Variants in APOBEC3B observed in about 807,000 individuals in gnomAD.
APOBEC3B encodes the protein apolipoprotein B mRNA editing enzyme catalytic subunit 3B.
Under a neutral mutation model 53.4 loss-of-function variants are expected in APOBEC3B, and 29 were observed. That is an observed-to-expected ratio of 0.54 (90% CI 0.40 to 0.74). The LOEUF is 0.74. APOBEC3B is among the 30% of genes least tolerant of loss of function. APOBEC3B has a pLI of 0.00. For missense variants in APOBEC3B, 347 were observed against 496.2 expected (o/e 0.70, Z 2.86); for synonymous variants, 132 against 184.8 (o/e 0.71, Z 2.32).
intron 2 of APOBEC3B, among the ~76,000 whole-genome samples, chr22:38,984,709 A>T (rs1923666945): frequency 1.4e-5 from 2 of 147,916 alleles, no homozygotes. Flanking sequence ...CTTTTCAGGC[A>T]GTGTTATAAC....
chr22:38,989,401 G>T, intron 4 of APOBEC3B, 56 bp from the exon 5 acceptor site: 1 of 1,471,080 alleles, frequency 6.8e-7, no homozygotes, highest in Non-Finnish European at 9.2e-7. Flanking sequence ...AGAGGAGCGA[G>T]AGGTAGTCCC....
At position 38,983,637 on chromosome 22, in the gene APOBEC3B, G is replaced by A. The variant is rs1923619142; in HGVS notation, c.18-438G>A. The stretch of plus-strand genomic sequence containing the variant: ...TGAGCTCACACCCGCTCAGCACTTA[G>A]AAGAGTGGCCTGGGCCTCAGAATTC... On this transcript the variant is annotated intron_variant, in intron 1 of 7. Transcript: ENST00000333467. Among the ~76,000 whole-genome samples, 2 of 149,280 alleles carry A rather than the reference G, an allele frequency of 1.3e-5. 1 individual carries two copies. Among genetic ancestry groups the A allele is most frequent in the East Asian group, 4.5e-4 (2 of 4,484 alleles).
Position 38,992,024 on chromosome 22 carries a change from C to A in APOBEC3B, c.1019-10C>A. 2 of 1,573,150 alleles carry A rather than the reference C, an allele frequency of 1.3e-6. No homozygotes were observed. The highest frequency in any genetic ancestry group is 1.2e-5 in the South Asian group (1 of 85,418). On this transcript the variant is annotated splice_polypyrimidine_tract_variant and intron_variant, in intron 6 of 7. Coordinates refer to ENST00000333467, the MANE Select transcript of APOBEC3B (RefSeq NM_004900.5). ...CAGGAGCGTGACTTATCTCCCCTGT[C>A]CCTTTTCAGAGTTTGAGTACTGCTG...
chr22:38,987,868 G>A lies in APOBEC3B; in HGVS notation c.569+1456G>A, dbSNP rs1923804465. ...TCCTAGCTCTTTGGGAGGCTGAGGT[G>A]GGTGGATCACTTGAGGTCAGGAGTT... On this transcript the variant is annotated intron_variant, in intron 4 of 7. Transcript: ENST00000333467. Among the ~76,000 whole-genome samples the A allele has an allele frequency of 1.3e-5, 2 of 148,542 alleles. 1 individual carries two copies. The highest frequency in any genetic ancestry group is 1.4e-4 in the Admixed American group (2 of 14,510).
intron 4 of APOBEC3B, among the ~76,000 whole-genome samples, chr22:38,987,786 A>C (rs1332111136): frequency 1.3e-5 from 2 of 148,352 alleles, no homozygotes; most frequent in African/African-American, 4.9e-5. Flanking sequence ...GTAGGAAAAC[A>C]TATGATCAGG....
chr22:38,989,412 A>G, intron 4 of APOBEC3B, 45 bp from the exon 5 acceptor site: 2 of 1,508,582 alleles, frequency 1.3e-6, no homozygotes, highest in Non-Finnish European at 1.8e-6. Flanking sequence ...AGGTAGTCCC[A>G]GGAGGAGTCT....
intron 4 of APOBEC3B, among the ~76,000 whole-genome samples, chr22:38,987,043 G>A (rs1469890237): frequency 1.3e-5 from 2 of 148,930 alleles, no homozygotes; most frequent in Non-Finnish European, 3.0e-5. Flanking sequence ...CTTGCACTCA[G>A]ATGGGCCTGG....
At chr22:38,984,776 C>T (rs1923668971) in intron 2 of APOBEC3B, among the ~76,000 whole-genome samples, 1 of 148,238 alleles carries the variant, frequency 6.7e-6, no homozygotes, top group Admixed American at 7.0e-5. Context: ...TTCTTTTTAA[C>T]CCTTGCTACA....
In APOBEC3B at chr22:38,988,683, C is replaced by CTCTCTCTCTTTCTTTCTTTCTT. The variant is rs1555894372; in HGVS notation, c.570-771_570-770insCTCTCTTTCTTTCTTTCTTTCT. 8.4e-5 allele frequency among the ~76,000 whole-genome samples: 4 copies of CTCTCTCTCTTTCTTTCTTTCTT among 47,508 alleles called. 1 individual carries two copies. Among genetic ancestry groups the CTCTCTCTCTTTCTTTCTTTCTT allele is most frequent in the African/African-American group, 2.7e-4 (3 of 11,118 alleles). The allele number at this position is 47,508 out of a possible 152,430, so 31.2% of individuals were successfully genotyped here. A position where few individuals can be genotyped will look rare whatever the true frequency, so the allele number is the denominator to read the frequency against. ...TTGCTTCCTCTCTCTTTCTCTCTTT[C>CTCTCTCTCTTTCTTTCTTTCTT]TCTTTCTTTCTTTCTTTCTTTCTTT... On this transcript the variant is annotated intron_variant, in intron 4 of 7. Coordinates refer to ENST00000333467, the MANE Select transcript of APOBEC3B (RefSeq NM_004900.5).
Position 38,985,968 on chromosome 22 carries a change from C to G in APOBEC3B, c.331C>G (p.His111Asp). The G allele has an allele frequency of 6.2e-7, 1 of 1,601,112 alleles. No homozygotes were observed. Among genetic ancestry groups the G allele is most frequent in the Non-Finnish European group, 8.5e-7 (1 of 1,176,184 alleles). The change falls in exon 3 of 8, where the codon CAC (histidine) becomes GAC (aspartate). Residue 111 changes from histidine to aspartate, a missense_variant. Physicochemically the swap from His to Asp is moderately conservative, Grantham distance 81. Around this residue, in one of 5 missense-constraint regions of APOBEC3B, gnomAD observed 20 missense variants for 50.9 expected, o/e 0.39. Coordinates refer to ENST00000333467, the MANE Select transcript of APOBEC3B (RefSeq NM_004900.5). ...VAKLAEFLSEHPNVTLTISAA... is the reference protein window; with the variant it reads ...VAKLAEFLSEDPNVTLTISAA... ...GAAGCTGGCCGAATTCCTGTCTGAGCACCCCAATGTCACCCTGACCATCTC... is the reference window on the plus strand; with the variant it reads ...GAAGCTGGCCGAATTCCTGTCTGAGGACCCCAATGTCACCCTGACCATCTC...
intron 4 of APOBEC3B, among the ~76,000 whole-genome samples, chr22:38,988,635 C>A (rs6001356): frequency 1.3e-5 from 1 of 75,632 alleles, no homozygotes. Flanking sequence ...CTTCCTTCCT[C>A]CCTTCCTTCC....
chr22:38,986,711 C>A (rs1923755747), intron 4 of APOBEC3B, among the ~76,000 whole-genome samples: 1 of 148,838 alleles, frequency 6.7e-6, no homozygotes, highest in African/African-American at 2.4e-5. Flanking sequence ...GACATGGGGA[C>A]AAGAGGAGGC....
intron 2 of APOBEC3B, among the ~76,000 whole-genome samples, chr22:38,984,621 A>G (rs1395523845): frequency 6.7e-6 from 1 of 148,514 alleles, no homozygotes; most frequent in Non-Finnish European, 1.5e-5. Context: ...TTTTTTAAAA[A>G]ATTTTTTTAA....
At chr22:38,989,378 TG>T in intron 4 of APOBEC3B, 78 bp from the exon 5 acceptor site, 5 of 1,325,260 alleles carry the variant, frequency 3.8e-6, no homozygotes, top group Non-Finnish European at 5.1e-6. Context: ...AGGGAAGGAG[TG>T]GGGGGTGCAG....
At position 38,991,795 on chromosome 22, in the gene APOBEC3B, G is replaced by A. The variant is rs376858263; in HGVS notation, c.1018+169G>A. On this transcript the variant is annotated intron_variant, in intron 6 of 7. Coordinates refer to ENST00000333467, the MANE Select transcript of APOBEC3B (RefSeq NM_004900.5). ...AGGCCAGGCCAGGAGATATGGGCCCGGGGAGGGTGGCTGGAAGTGGAAGCA... is the reference window on the plus strand; with the variant it reads ...AGGCCAGGCCAGGAGATATGGGCCCAGGGAGGGTGGCTGGAAGTGGAAGCA... Among the ~76,000 whole-genome samples, 1,044 of 148,000 alleles carry A rather than the reference G, an allele frequency of 7.1e-3. 52 individuals carry two copies. The highest frequency in any genetic ancestry group is 0.024 in the African/African-American group (983 of 41,014).
chr22:38,985,796 C>T lies in APOBEC3B; in HGVS notation c.175-16C>T, dbSNP rs369361448. 2.0e-5 allele frequency: 32 copies of T among 1,584,272 alleles called. 3 individuals are homozygous for T. The highest frequency in any genetic ancestry group is 2.7e-5 in the African/African-American group (2 of 73,586). On this transcript the variant is annotated splice_polypyrimidine_tract_variant and intron_variant, in intron 2 of 7. Coordinates refer to ENST00000333467, the MANE Select transcript of APOBEC3B (RefSeq NM_004900.5). ...CCCCCTCTCAGAGCATCCCCTGCCC[C>T]CTGCTCCTCTCCCAGGTGTATTTCA...
intron 5 of APOBEC3B, among the ~76,000 whole-genome samples, chr22:38,990,853 T>C (rs1206508366): frequency 6.8e-6 from 1 of 146,024 alleles, no homozygotes; most frequent in Non-Finnish European, 1.5e-5. Flanking sequence ...CCCATCTCTG[T>C]AGCCCCTCCC....
chr22:38,992,230 C>T (rs1419632583), intron 7 of APOBEC3B, 81 bp downstream of exon 7: 1 of 1,551,774 alleles, frequency 6.4e-7, no homozygotes, highest in Non-Finnish European at 8.7e-7. Context: ...TTCCCCTCTG[C>T]TCAGAGCCTC....
Position 38,983,989 on chromosome 22 carries a change from C to G in APOBEC3B, c.18-86C>G. On this transcript the variant is annotated intron_variant, in intron 1 of 7. Transcript: ENST00000333467. Reference sequence around the variant, plus strand: ...AGGGGTCGGGGAGGCCCAGGGCCATCCTGGGAGCTGTGTTCAGTGGACATG... The same window carrying G: ...AGGGGTCGGGGAGGCCCAGGGCCATGCTGGGAGCTGTGTTCAGTGGACATG... The G allele has an allele frequency of 3.4e-6, 5 of 1,471,068 alleles. No homozygotes were observed. In the South Asian group the frequency reaches 4.1e-5, roughly 12 times the overall value. 91.1% of individuals were successfully genotyped at this position (1,471,068 alleles called of 1,614,324 possible).
Sources: gnomAD v4.1 joint callset for allele counts (sites outside exome capture counted in the v4.1 genomes callset) on GRCh38, gnomAD v4.1.1 for gene constraint, gnomAD v4.1.1 regional missense constraint, MANE v1.5 for transcripts, NCBI Gene and HGNC (gene_info 2026-07-23, HGNC 2026-07-21) for gene names.